MIPOL1: variants seen among roughly 807,000 people sequenced by gnomAD.
The protein encoded by MIPOL1 is mirror-image polydactyly 1, also known as mirror-image polydactyly gene 1 protein.
MIPOL1 carries 57 observed loss-of-function variants against 60.9 expected under a neutral mutation model. That is an observed-to-expected ratio of 0.94 (90% CI 0.76 to 1.17). The LOEUF is 1.17. Ranked by LOEUF, MIPOL1 falls within the 50% of genes most tolerant of loss-of-function variation. The pLI is 0.00. For synonymous variants in MIPOL1, 179 were observed against 168.8 expected (o/e 1.06, Z -0.47); for missense variants, 551 against 511.6 (o/e 1.08, Z -0.74).
intron 10 of MIPOL1, among the ~76,000 whole-genome samples, chr14:37,391,490 A>T (rs998497316): frequency 6.6e-6 from 1 of 151,256 alleles, no homozygotes; most frequent in African/African-American, 2.4e-5. Flanking sequence ...CCACCTTTCA[A>T]GTTCAAGCCA....
chr14:37,359,475 T>G (rs575775030), intron 9 of MIPOL1, among the ~76,000 whole-genome samples: 1 of 152,352 alleles, frequency 6.6e-6, no homozygotes, highest in African/African-American at 2.4e-5. Context: ...GAGCATAGAA[T>G]GTTCTTCCAT....
At chr14:37,217,114 A>C (rs1967860978) in intron 1 of MIPOL1, among the ~76,000 whole-genome samples, 1 of 152,200 alleles carries the variant, frequency 6.6e-6, no homozygotes, top group Admixed American at 6.5e-5. Flanking sequence ...ATCATTAATG[A>C]GCAACCATAT....
intron 9 of MIPOL1, among the ~76,000 whole-genome samples, chr14:37,331,574 A>C (rs2089692625): frequency 6.7e-6 from 1 of 148,552 alleles, no homozygotes; most frequent in African/African-American, 2.5e-5. Context: ...CAGGTTGTTC[A>C]CTGTTGGCAT....
intron 1 of MIPOL1, among the ~76,000 whole-genome samples, chr14:37,232,457 A>G (rs773936947): frequency 6.6e-6 from 1 of 152,206 alleles, no homozygotes; most frequent in Non-Finnish European, 1.5e-5. Context: ...GAAACATACT[A>G]GTATTCCAAT....
intron 1 of MIPOL1, among the ~76,000 whole-genome samples, chr14:37,243,445 G>A (rs1972663570): frequency 6.6e-6 from 1 of 152,158 alleles, no homozygotes; most frequent in South Asian, 2.1e-4. Context: ...CTCTGAAATA[G>A]CGTGCTTTCC....
intron 12 of MIPOL1, among the ~76,000 whole-genome samples, chr14:37,509,549 C>A (rs1289621375): frequency 6.6e-6 from 1 of 151,652 alleles, no homozygotes; most frequent in Non-Finnish European, 1.5e-5. Flanking sequence ...GAGCACGTTT[C>A]TACAGTTTCT....
intron 11 of MIPOL1, among the ~76,000 whole-genome samples, chr14:37,483,726 C>G: frequency 6.6e-6 from 1 of 152,158 alleles, no homozygotes; most frequent in Non-Finnish European, 1.5e-5. Context: ...GCCTCAAACT[C>G]AGGGGCTCAA....
intron 11 of MIPOL1, among the ~76,000 whole-genome samples, chr14:37,432,300 T>C (rs899253497): frequency 6.6e-6 from 1 of 152,250 alleles, no homozygotes; most frequent in Admixed American, 6.5e-5. Context: ...TCTATGAATA[T>C]GTGTCTTAAC....
At chr14:37,376,242 G>A (rs1325262334) in intron 10 of MIPOL1, among the ~76,000 whole-genome samples, 2 of 152,066 alleles carry the variant, frequency 1.3e-5, no homozygotes, top group Non-Finnish European at 2.9e-5. Flanking sequence ...GTAGAACATT[G>A]AGTGGCTTTT....
At chr14:37,452,295 A>C (rs1279916569) in intron 11 of MIPOL1, among the ~76,000 whole-genome samples, 1 of 152,244 alleles carries the variant, frequency 6.6e-6, no homozygotes, top group Admixed American at 6.5e-5. Context: ...ATTAAAATTT[A>C]ATATAGCAGA....
intron 1 of MIPOL1, among the ~76,000 whole-genome samples, chr14:37,239,544 C>G (rs1190321623): frequency 6.6e-6 from 1 of 152,042 alleles, no homozygotes; most frequent in African/African-American, 2.4e-5. Context: ...GAGTACAACA[C>G]TTACATAAAA....
intron 11 of MIPOL1, among the ~76,000 whole-genome samples, chr14:37,451,069 T>A (rs1319656511): frequency 6.6e-6 from 1 of 152,226 alleles, no homozygotes; most frequent in Admixed American, 6.5e-5. Context: ...AATAGGAATA[T>A]TATTTGTTTC....
At chr14:37,314,534 A>G (rs1017011273) in intron 9 of MIPOL1, among the ~76,000 whole-genome samples, 5 of 152,166 alleles carry the variant, frequency 3.3e-5, no homozygotes, top group Non-Finnish European at 7.3e-5. Flanking sequence ...TCTTACTAGA[A>G]CATACTTCCT....
intron 1 of MIPOL1, among the ~76,000 whole-genome samples, chr14:37,246,085 TA>T (rs912590092): frequency 6.6e-6 from 1 of 152,136 alleles, no homozygotes; most frequent in African/African-American, 2.4e-5. Context: ...AAATTAATTT[TA>T]GATCATTATT....
chr14:37,416,819 G>C (rs1249739827), intron 10 of MIPOL1, among the ~76,000 whole-genome samples: 1 of 151,874 alleles, frequency 6.6e-6, no homozygotes, highest in Non-Finnish European at 1.5e-5. Flanking sequence ...AAGGTTTTCA[G>C]GGTACCAGCT....
intron 1 of MIPOL1, among the ~76,000 whole-genome samples, chr14:37,230,139 T>C (rs1053780038): frequency 6.6e-6 from 1 of 152,232 alleles, no homozygotes; most frequent in African/African-American, 2.4e-5. Flanking sequence ...TTCCACAATG[T>C]ATATTTCAAA....
At chr14:37,270,621 C>A in intron 6 of MIPOL1, 96 bp downstream of exon 6, 2 of 492,520 alleles carry the variant, frequency 4.1e-6, no homozygotes, top group Non-Finnish European at 6.5e-6. Flanking sequence ...GGCTTATTTG[C>A]CAAAGGAGGG....
In MIPOL1 at chr14:37,551,125, T is replaced by C. The variant is rs1273489548; in HGVS notation, c.*4154T>C. 1 of 152,150 alleles carries C rather than the reference T, an allele frequency of 6.6e-6. No homozygotes were observed. Among genetic ancestry groups the C allele is most frequent in the Non-Finnish European group, 1.5e-5 (1 of 67,996 alleles). The allele number at this position is 152,150 out of a possible 1,614,324, so 9.4% of individuals were successfully genotyped here. ...TTGTCTTCTAAATATAGTTTTGGTG[T>C]ATGCTGGTATTTTAGAAGCCACCAA... On this transcript the variant is annotated 3_prime_UTR_variant, in exon 13 of 13. Coordinates refer to ENST00000684589, the MANE Select transcript of MIPOL1 (RefSeq NM_001388067.1).
intron 1 of MIPOL1, chr14:37,240,669 T>A (rs1441397544): frequency 6.6e-6 from 1 of 152,190 alleles, no homozygotes; most frequent in Non-Finnish European, 1.5e-5. Context: ...TAGAAAATCC[T>A]GGTATGCGAT....
Sources: gnomAD v4.1 joint callset for allele counts (sites outside exome capture counted in the v4.1 genomes callset) on GRCh38, gnomAD v4.1.1 for gene constraint, MANE v1.5 for transcripts, NCBI Gene and HGNC (gene_info 2026-07-23, HGNC 2026-07-21) for gene names.